The following IGSF21 variants were observed in gnomAD, a reference collection of about 807,000 sequenced individuals.
IGSF21 encodes the protein immunoglobulin superfamily member 21.
A neutral mutation model predicts 46.8 loss-of-function variants in IGSF21; 28 were observed. That is an observed-to-expected ratio of 0.60 (90% CI 0.44 to 0.82). IGSF21 has a LOEUF of 0.82. Among genes scored for constraint, IGSF21 ranks in the 40% least tolerant of loss-of-function variants. The pLI is 0.00. For synonymous variants in IGSF21, 284 were observed against 273.6 expected (o/e 1.04, Z -0.38); for missense variants, 624 against 665.5 (o/e 0.94, Z 0.69).
At chr1:18,124,671 G>A (rs924862054) in intron 1 of IGSF21, among the ~76,000 whole-genome samples, 5 of 152,264 alleles carry the variant, frequency 3.3e-5, no homozygotes, top group Admixed American at 6.5e-5. Context: ...TCCCTGCCTC[G>A]GCAGTCACTG....
chr1:18,192,048 C>G (rs978578268), intron 1 of IGSF21, among the ~76,000 whole-genome samples: 11 of 152,310 alleles, frequency 7.2e-5, no homozygotes, highest in African/African-American at 2.4e-4. Context: ...CTGTCTCCCC[C>G]ACCAGGCTTC....
chr1:18,166,472 G>A (rs933469576), intron 1 of IGSF21, among the ~76,000 whole-genome samples: 4 of 152,170 alleles, frequency 2.6e-5, no homozygotes, highest in African/African-American at 9.7e-5. Flanking sequence ...CTCTATCTGA[G>A]ACGCTGAGTC....
chr1:18,164,908 T>C (rs531733318), intron 1 of IGSF21, among the ~76,000 whole-genome samples: 71 of 105,304 alleles, frequency 6.7e-4, no homozygotes, highest in African/African-American at 2.6e-3. Flanking sequence ...CAACAGGCCC[T>C]AGTGTGTGAT....
intron 2 of IGSF21, among the ~76,000 whole-genome samples, chr1:18,282,635 T>TACACACACACACACACAC (rs10522294): frequency 4.4e-5 from 6 of 137,550 alleles, no homozygotes; most frequent in African/African-American, 1.3e-4. Flanking sequence ...TCCCCTTACA[T>TACACACACACACACACAC]ACACACACAC....
rs1246293076 is a variant in IGSF21 at position 18,108,343 on chromosome 1, G to T, written c.70+145G>T. On this transcript the variant is annotated intron_variant, in intron 1 of 9. Transcript: ENST00000251296. ...CGGGGTCTGTGGAGCTGGTTGGCTC[G>T]ATGAGGGAGGGAGGACGCCTCTTGG... 11 of 822,208 alleles carry T rather than the reference G, an allele frequency of 1.3e-5. No homozygotes were observed. In the East Asian group the frequency reaches 4.0e-4, roughly 30 times the overall value. 50.9% of individuals were successfully genotyped at this position (822,208 alleles called of 1,614,324 possible).
intron 1 of IGSF21, among the ~76,000 whole-genome samples, chr1:18,160,091 G>A (rs568967686): frequency 1.1e-4 from 16 of 152,278 alleles, no homozygotes; most frequent in African/African-American, 3.1e-4. Flanking sequence ...AAGCATTTCT[G>A]GATCCCCTAG....
chr1:18,247,398 G>T (rs982108271), intron 2 of IGSF21, among the ~76,000 whole-genome samples: 1 of 152,108 alleles, frequency 6.6e-6, no homozygotes. Flanking sequence ...CATCCACCAC[G>T]TGTCTTTGTT....
chr1:18,363,706 C>T (rs1197296818), intron 5 of IGSF21, among the ~76,000 whole-genome samples: 2 of 151,026 alleles, frequency 1.3e-5, no homozygotes, highest in African/African-American at 2.4e-5. Flanking sequence ...GGCAGAGGTG[C>T]CGAGACACAG....
chr1:18,219,424 G>C (rs2084484668), intron 1 of IGSF21, among the ~76,000 whole-genome samples: 1 of 152,132 alleles, frequency 6.6e-6, no homozygotes, highest in Non-Finnish European at 1.5e-5. Context: ...AGTGAGGGGA[G>C]CTGAAATCAG....
chr1:18,305,488 T>TGATGGATGGATGGATGGATGATGGATG (rs1553162218), intron 3 of IGSF21, among the ~76,000 whole-genome samples: 1 of 50,420 alleles, frequency 2.0e-5, no homozygotes, highest in Non-Finnish European at 6.5e-5. Flanking sequence ...GATGGATGGA[T>TGATGGATGGATGGATGGATGATGGATG]GATGGATGGA....
At chr1:18,204,211 C>A (rs937615071) in intron 1 of IGSF21, among the ~76,000 whole-genome samples, 7 of 152,188 alleles carry the variant, frequency 4.6e-5, no homozygotes, top group African/African-American at 1.7e-4. Context: ...ACTGTTCGGT[C>A]TCCATTTTAC....
rs1309880841 is a variant in IGSF21 at position 18,220,982 on chromosome 1, A to C, written c.71-6916A>C. Among the ~76,000 whole-genome samples, 4 of 152,170 alleles carry C rather than the reference A, an allele frequency of 2.6e-5. No homozygotes were observed. In the East Asian group the frequency reaches 7.7e-4, roughly 29 times the overall value. On this transcript the variant is annotated intron_variant, in intron 1 of 9. Transcript: ENST00000251296. ...TGGGAAGCTCCTGGAGACCCTAAAG[A>C]AAGCCAGGGGCGTGCATATTAGAGA...
At position 18,221,309 on chromosome 1, in the gene IGSF21, C is replaced by T. The variant is rs540574236; in HGVS notation, c.71-6589C>T. Among the ~76,000 whole-genome samples the T allele has an allele frequency of 7.9e-5, 12 of 152,262 alleles. No individual in the cohort carries two copies. In the South Asian group the frequency reaches 2.1e-3, roughly 26 times the overall value. On this transcript the variant is annotated intron_variant, in intron 1 of 9. Transcript: ENST00000251296. ...TCAGTTTTAGGTGCTGAAAGTCTCT[C>T]GTCCCAGGAAACCCCCTCAGCCCTG...
At chr1:18,368,932 C>T (rs2086197292) in intron 6 of IGSF21, among the ~76,000 whole-genome samples, 1 of 152,158 alleles carries the variant, frequency 6.6e-6, no homozygotes, top group South Asian at 2.1e-4. Context: ...CTGTGTGACC[C>T]CTATCAACAG....
At chr1:18,317,275 T>C (rs1320743313) in intron 3 of IGSF21, among the ~76,000 whole-genome samples, 1 of 152,202 alleles carries the variant, frequency 6.6e-6, no homozygotes, top group Non-Finnish European at 1.5e-5. Context: ...TCTTTTCCCA[T>C]ACTACCACCT....
chr1:18,361,633 C>G (rs986552967), intron 4 of IGSF21: 2 of 156,542 alleles, frequency 1.3e-5, no homozygotes, highest in Non-Finnish European at 2.8e-5. Flanking sequence ...CACCTGTGGT[C>G]CCAGCTACTT....
At chr1:18,254,948 C>T (rs1170460382) in intron 2 of IGSF21, among the ~76,000 whole-genome samples, 1 of 152,176 alleles carries the variant, frequency 6.6e-6, no homozygotes, top group Admixed American at 6.5e-5. Flanking sequence ...TACACTGGGC[C>T]CTCAGCACTG....
At chr1:18,216,282 G>A (rs1479380555) in intron 1 of IGSF21, among the ~76,000 whole-genome samples, 1 of 152,186 alleles carries the variant, frequency 6.6e-6, no homozygotes, top group Non-Finnish European at 1.5e-5. Context: ...GGTGCTGCAA[G>A]GTGGGCAAAG....
At position 18,291,956 on chromosome 1, in the gene IGSF21, C is replaced by G; in HGVS notation, c.274C>G (p.Arg92Gly). The G allele has an allele frequency of 6.2e-7, 1 of 1,613,616 alleles. No individual in the cohort carries two copies. The highest frequency in any genetic ancestry group is 8.5e-7 in the Non-Finnish European group (1 of 1,179,936). Residue 92 changes from arginine to glycine, a missense_variant, in exon 3 of 10, where the codon CGA becomes GGA. Coordinates refer to ENST00000251296, the MANE Select transcript of IGSF21 (RefSeq NM_032880.5). The stretch of plus-strand genomic sequence containing the variant: ...CTCACACATGGAGAACTACCGCAAG[C>G]GAGAGGACCTGGTGTACCAGTCCAC... ...NYSHMENYRK[R>G]EDLVYQSTVR...
Sources: gnomAD v4.1 joint callset for allele counts (sites outside exome capture counted in the v4.1 genomes callset) on GRCh38, gnomAD v4.1.1 for gene constraint, MANE v1.5 for transcripts, NCBI Gene and HGNC (gene_info 2026-07-23, HGNC 2026-07-21) for gene names.